TXK: variants seen among roughly 807,000 people sequenced by gnomAD.
TXK encodes tyrosine-protein kinase TXK.
A neutral mutation model predicts 81.0 loss-of-function variants in TXK; 60 were observed. The ratio of observed to expected loss-of-function variants is 0.74; its 90% CI spans 0.60 to 0.92. TXK has a LOEUF of 0.92. Among genes scored for constraint, TXK ranks in the 40% least tolerant of loss-of-function variants. The pLI is 0.00. For synonymous variants in TXK, 203 were observed against 210.7 expected (o/e 0.96, Z 0.32); for missense variants, 581 against 638.3 (o/e 0.91, Z 0.97).
rs1275799850 is a variant in TXK, at chr4:48,089,838, G to T, written c.710-14C>A. 3 of 1,596,714 alleles carry T rather than the reference G, an allele frequency of 1.9e-6. No individual in the cohort carries two copies. Among genetic ancestry groups the T allele is most frequent in the Non-Finnish European group, 1.7e-6 (2 of 1,164,810 alleles). On this transcript the variant is annotated splice_polypyrimidine_tract_variant and intron_variant, in intron 8 of 14. Coordinates refer to ENST00000264316, the MANE Select transcript of TXK (RefSeq NM_003328.3). ...GAGTCATGAGACCTAAGGAGAAAGA[G>T]AAATCAATATTTCAAGCCTAGTTGC...
In TXK at chr4:48,105,646, TA is replaced by T. The variant is rs552282449; in HGVS notation, c.447-692del. On this transcript the variant is annotated intron_variant, in intron 5 of 14. Coordinates refer to ENST00000264316, the MANE Select transcript of TXK (RefSeq NM_003328.3). ...CCACCATTACACAATATACTGTTGATAAAAAAAAACTTGCATGTGTACCCTC... is the reference window on the plus strand; with the variant it reads ...CCACCATTACACAATATACTGTTGATAAAAAAAACTTGCATGTGTACCCTC... Among the ~76,000 whole-genome samples, 255 of 151,602 alleles carry T rather than the reference TA, an allele frequency of 1.7e-3. 1 individual carries two copies. Among genetic ancestry groups the T allele is most frequent in the Middle Eastern group, 6.8e-3 (2 of 294 alleles).
At chr4:48,083,133 C>T in intron 10 of TXK, among the ~76,000 whole-genome samples, 1 of 152,234 alleles carries the variant, frequency 6.6e-6, no homozygotes. Context: ...TAAAAGAGCA[C>T]ACTACAACGC....
chr4:48,097,163 T>C (rs957788622), intron 6 of TXK, among the ~76,000 whole-genome samples: 2 of 152,084 alleles, frequency 1.3e-5, no homozygotes, highest in African/African-American at 2.4e-5. Context: ...GGAAAAATAA[T>C]AGATAAACTG....
chr4:48,132,954 A>T (rs1295016988), intron 1 of TXK, among the ~76,000 whole-genome samples: 1 of 152,126 alleles, frequency 6.6e-6, no homozygotes, highest in Non-Finnish European at 1.5e-5. Context: ...TAAAAAAAAA[A>T]AAAAAGTCTC....
chr4:48,110,340 T>C (rs1010139750), intron 5 of TXK, among the ~76,000 whole-genome samples, 198 bp downstream of exon 5: 3 of 152,174 alleles, frequency 2.0e-5, no homozygotes, highest in African/African-American at 7.2e-5. Context: ...AAAAAGTGGC[T>C]ATACAAAACA....
chr4:48,132,040 A>ATTTT (rs35357614), intron 1 of TXK, among the ~76,000 whole-genome samples: 8 of 138,864 alleles, frequency 5.8e-5, no homozygotes, highest in African/African-American at 2.1e-4. Flanking sequence ...GAATAACCTG[A>ATTTT]TTTTTTTTTT....
intron 3 of TXK, 119 bp downstream of exon 3, chr4:48,113,088 G>C (rs1264214454): frequency 3.4e-6 from 2 of 581,396 alleles, no homozygotes; most frequent in East Asian, 5.4e-5. Context: ...AAATTACTGA[G>C]CACTTATTTT....
Position 48,089,836 on chromosome 4 carries a change from G to A in TXK, c.710-12C>T. 1 of 1,602,022 alleles carries A rather than the reference G, an allele frequency of 6.2e-7. No homozygotes were observed. Among genetic ancestry groups the A allele is most frequent in the African/African-American group, 1.3e-5 (1 of 74,778 alleles). On this transcript the variant is annotated splice_polypyrimidine_tract_variant and intron_variant, in intron 8 of 14. Transcript: ENST00000264316. The stretch of plus-strand genomic sequence containing the variant: ...ACGAGTCATGAGACCTAAGGAGAAA[G>A]AGAAATCAATATTTCAAGCCTAGTT...
At chr4:48,078,845 T>C (rs989920002) in intron 11 of TXK, among the ~76,000 whole-genome samples, 23 of 152,346 alleles carry the variant, frequency 1.5e-4, no homozygotes, top group African/African-American at 5.3e-4. Context: ...TTCACTGTTG[T>C]ATCTCCAGTG....
At chr4:48,071,912 A>G (rs893388791) in intron 13 of TXK, among the ~76,000 whole-genome samples, 26 of 150,576 alleles carry the variant, frequency 1.7e-4, no homozygotes, top group Admixed American at 1.5e-3. Flanking sequence ...ATGGGTCTTG[A>G]TTGCCTCTCC....
intron 1 of TXK, among the ~76,000 whole-genome samples, chr4:48,129,068 C>A (rs1341944681): frequency 1.3e-5 from 2 of 151,946 alleles, no homozygotes; most frequent in African/African-American, 2.4e-5. Flanking sequence ...AAACCAAGAC[C>A]CCACACCAAG....
In TXK at chr4:48,113,989, C is replaced by T. The variant is rs139425142; in HGVS notation, c.71+359G>A. The stretch of plus-strand genomic sequence containing the variant: ...ACTGCCACCAAAGTATAAGATACAC[C>T]GGTAGTTTTGGGGAGATAGATAACT... On this transcript the variant is annotated intron_variant, in intron 2 of 14. Transcript: ENST00000264316. 3.4e-3 allele frequency among the ~76,000 whole-genome samples: 517 copies of T among 152,194 alleles called. 1 individual carries two copies. The highest frequency in any genetic ancestry group is 6.8e-3 in the Middle Eastern group (2 of 294).
chr4:48,105,079 T>A (rs6825925), intron 5 of TXK, 124 bp from the exon 6 acceptor site: 214,973 of 606,794 alleles, frequency 0.35, 42,057 homozygotes, highest in Non-Finnish European at 0.41. Context: ...AGTGTTTTTT[T>A]AAATTCAGAT....
intron 1 of TXK, among the ~76,000 whole-genome samples, chr4:48,117,914 T>C (rs1323858418): frequency 3.3e-5 from 5 of 152,186 alleles, no homozygotes; most frequent in African/African-American, 7.2e-5. Flanking sequence ...TTGGGGACCA[T>C]TGAACAAGCA....
At chr4:48,088,896 A>G (rs1717640582) in intron 9 of TXK, among the ~76,000 whole-genome samples, 2 of 152,268 alleles carry the variant, frequency 1.3e-5, no homozygotes, top group South Asian at 2.1e-4. Context: ...TACATTCTGA[A>G]TCCCACTATT....
At chr4:48,125,044 CAGAT>C (rs1719053165) in intron 1 of TXK, among the ~76,000 whole-genome samples, 1 of 152,204 alleles carries the variant, frequency 6.6e-6, no homozygotes, top group African/African-American at 2.4e-5. Context: ...CCAGGCATGA[CAGAT>C]ACTTAGATCT....
intron 6 of TXK, among the ~76,000 whole-genome samples, chr4:48,096,910 A>G (rs1718003623): frequency 6.6e-6 from 1 of 152,224 alleles, no homozygotes; most frequent in East Asian, 1.9e-4. Context: ...AACATCACAT[A>G]TTAGCACCTC....
At chr4:48,126,723 C>G (rs186348025) in intron 1 of TXK, among the ~76,000 whole-genome samples, 9 of 152,320 alleles carry the variant, frequency 5.9e-5, no homozygotes, top group African/African-American at 2.2e-4. Context: ...AAGCTAGTCT[C>G]AAACTCCCAA....
At chr4:48,100,648 G>A (rs1181134718) in intron 6 of TXK, among the ~76,000 whole-genome samples, 1 of 152,142 alleles carries the variant, frequency 6.6e-6, no homozygotes, top group Non-Finnish European at 1.5e-5. Context: ...GTTAAAATTA[G>A]AAATGTATAT....
Sources: gnomAD v4.1 joint callset for allele counts (sites outside exome capture counted in the v4.1 genomes callset) on GRCh38, gnomAD v4.1.1 for gene constraint, MANE v1.5 for transcripts, NCBI Gene and HGNC (gene_info 2026-07-23, HGNC 2026-07-21) for gene names.